The following GSG1L variants were observed in gnomAD, a reference collection of about 807,000 sequenced individuals.
GSG1L encodes GSG1 like.
A neutral mutation model predicts 42.1 loss-of-function variants in GSG1L; 24 were observed. That is an observed-to-expected ratio of 0.57 (90% CI 0.41 to 0.80). The LOEUF (loss-of-function observed/expected upper bound fraction) is 0.80. Ranked by LOEUF, GSG1L falls within the 30% of genes least tolerant of loss-of-function variation. The probability of loss-of-function intolerance (pLI) is 0.00; values close to 1 mark genes in which losing one functional copy is unlikely to be tolerated. For missense variants in GSG1L, 445 were observed against 472.2 expected (o/e 0.94, Z 0.53); for synonymous variants, 215 against 203.5 (o/e 1.06, Z -0.48).
chr16:27,839,614 G>A (rs1252803629), intron 4 of GSG1L, among the ~76,000 whole-genome samples: 1 of 152,194 alleles, frequency 6.6e-6, no homozygotes, highest in Non-Finnish European at 1.5e-5. Flanking sequence ...AATAGGGTGT[G>A]GTGGGGACTG....
At chr16:27,867,407 G>A (rs577321837) in intron 3 of GSG1L, among the ~76,000 whole-genome samples, 75 of 152,332 alleles carry the variant, frequency 4.9e-4, no homozygotes, top group African/African-American at 1.7e-3. Flanking sequence ...TGACAAAGAG[G>A]TGGGAGCCAC....
At chr16:27,838,277 A>G (rs1194400238) in intron 4 of GSG1L, among the ~76,000 whole-genome samples, 1 of 152,224 alleles carries the variant, frequency 6.6e-6, no homozygotes, top group Non-Finnish European at 1.5e-5. Context: ...AAAAGGACAG[A>G]TATGAAAACA....
chr16:27,961,391 A>G (rs877685), intron 2 of GSG1L, among the ~76,000 whole-genome samples: 79,073 of 152,042 alleles, frequency 0.52, 21,093 homozygotes, highest in East Asian at 0.74. Context: ...ATCCCAGAGG[A>G]CTGCACATCC....
intron 2 of GSG1L, among the ~76,000 whole-genome samples, chr16:27,947,625 C>G (rs1200186241): frequency 2.7e-5 from 4 of 148,982 alleles, no homozygotes; most frequent in African/African-American, 9.8e-5. Context: ...AAGAAAAGTT[C>G]TCTGTGGGTT....
At chr16:27,947,528 AGAAAGAATGAAG>A (rs1451522166) in intron 2 of GSG1L, among the ~76,000 whole-genome samples, 1 of 142,146 alleles carries the variant, frequency 7.0e-6, no homozygotes, top group African/African-American at 2.6e-5. Context: ...AGAAAAAGAA[AGAAAGAATGAAG>A]GAAAGAAAGA....
intron 2 of GSG1L, among the ~76,000 whole-genome samples, chr16:27,890,218 C>T (rs1399097035): frequency 2.0e-5 from 3 of 152,288 alleles, no homozygotes; most frequent in South Asian, 2.1e-4. Context: ...CAGAAGAGGA[C>T]GGCCGCTGAG....
chr16:27,978,806 G>A (rs1260128795), intron 1 of GSG1L, among the ~76,000 whole-genome samples: 1 of 149,520 alleles, frequency 6.7e-6, no homozygotes, highest in African/African-American at 2.5e-5. Context: ...GTTCTTTTTT[G>A]TAGTTGTTTG....
chr16:27,921,340 C>T (rs2084521546), intron 2 of GSG1L, among the ~76,000 whole-genome samples: 1 of 152,208 alleles, frequency 6.6e-6, no homozygotes, highest in Admixed American at 6.5e-5. Context: ...GTTTCCCTGC[C>T]AAGACTTGGT....
At chr16:28,020,063 C>A (rs2085822643) in intron 1 of GSG1L, among the ~76,000 whole-genome samples, 1 of 152,196 alleles carries the variant, frequency 6.6e-6, no homozygotes, top group Non-Finnish European at 1.5e-5. Context: ...TTGAAAGTAG[C>A]AAGTCCACTC....
At position 27,919,220 on chromosome 16, in the gene GSG1L, G is replaced by A. The variant is rs193195809; in HGVS notation, c.398-34582C>T. ...GTATCCAAGATGACTCAATAAGGAG[G>A]AAGGAGTCAGTACAAAGAAGGTTCC... On this transcript the variant is annotated intron_variant, in intron 2 of 6. Transcript: ENST00000447459. Among the ~76,000 whole-genome samples the A allele has an allele frequency of 5.3e-4, 81 of 152,288 alleles. 1 individual carries two copies. The highest frequency in any genetic ancestry group is 1.9e-3 in the African/African-American group (80 of 41,558).
chr16:27,974,076 C>T (rs1241755084), intron 1 of GSG1L, among the ~76,000 whole-genome samples: 1 of 152,158 alleles, frequency 6.6e-6, no homozygotes, highest in East Asian at 1.9e-4. Flanking sequence ...GCTGGCATCT[C>T]CTGCCCTAGG....
chr16:27,828,774 C>T lies in GSG1L; in HGVS notation c.830+15G>A. ...AGTCCCCGTGGTGGCCAGAGGTAAC[C>T]CCCTGTGCACTGACCTCTCCCGGAA... On this transcript the variant is annotated intron_variant, in intron 5 of 6. Coordinates refer to ENST00000447459, the MANE Select transcript of GSG1L (RefSeq NM_001109763.2). The T allele has an allele frequency of 6.2e-7, 1 of 1,609,026 alleles. No homozygotes were observed. The highest frequency in any genetic ancestry group is 1.1e-5 in the South Asian group (1 of 90,782).
At chr16:28,042,308 C>T (rs764756832) in intron 1 of GSG1L, among the ~76,000 whole-genome samples, 15 of 151,926 alleles carry the variant, frequency 9.9e-5, no homozygotes, top group Non-Finnish European at 1.5e-4. Context: ...TGGTGGTGCA[C>T]GCCTATAATC....
At chr16:27,802,772 A>G (rs1161411385) in intron 6 of GSG1L, among the ~76,000 whole-genome samples, 4 of 151,932 alleles carry the variant, frequency 2.6e-5, no homozygotes, top group Admixed American at 1.3e-4. Flanking sequence ...CTCCCACTTC[A>G]GCCTCCAGAG....
chr16:27,949,489 G>A (rs915566974), intron 2 of GSG1L, among the ~76,000 whole-genome samples: 28 of 152,144 alleles, frequency 1.8e-4, no homozygotes, highest in Admixed American at 1.3e-4. Context: ...GTGTGGTGGC[G>A]CAAGCCTATA....
chr16:27,899,909 C>T (rs1473873691), intron 2 of GSG1L, among the ~76,000 whole-genome samples: 1 of 152,174 alleles, frequency 6.6e-6, no homozygotes, highest in Non-Finnish European at 1.5e-5. Context: ...TGGGGAGGTA[C>T]TGTCCAACTG....
chr16:27,888,445 T>TTTCTTTC (rs2084062022), intron 2 of GSG1L, among the ~76,000 whole-genome samples: 1 of 22,478 alleles, frequency 4.4e-5, no homozygotes, highest in African/African-American at 9.0e-5. Flanking sequence ...TCTTTCTTTC[T>TTTCTTTC]TTCTTTCTTT....
chr16:28,021,147 T>C (rs1450397985), intron 1 of GSG1L, among the ~76,000 whole-genome samples: 1 of 152,188 alleles, frequency 6.6e-6, no homozygotes, highest in Non-Finnish European at 1.5e-5. Flanking sequence ...AATCAGTTCA[T>C]GGTTCTGCGG....
chr16:27,994,342 G>T (rs1281044521), intron 1 of GSG1L, among the ~76,000 whole-genome samples: 1 of 152,132 alleles, frequency 6.6e-6, no homozygotes, highest in African/African-American at 2.4e-5. Flanking sequence ...AAACTACACT[G>T]AATTGTGTCA....
Sources: allele counts gnomAD v4.1 joint callset (sites outside exome capture counted in the v4.1 genomes callset), GRCh38; gene constraint gnomAD v4.1.1; transcripts MANE v1.5; gene names NCBI Gene and HGNC (gene_info 2026-07-23, HGNC 2026-07-21).